SLC9A9: variants seen among roughly 807,000 people sequenced by gnomAD.
SLC9A9 encodes the protein sodium/hydrogen exchanger 9.
Under a neutral mutation model 77.8 loss-of-function variants are expected in SLC9A9, and 62 were observed. The ratio of observed to expected loss-of-function variants is 0.80; its 90% CI spans 0.65 to 0.98. SLC9A9 has a LOEUF of 0.98. Among genes scored for constraint, SLC9A9 ranks in the 50% least tolerant of loss-of-function variants. SLC9A9 has a pLI of 0.00. For synonymous variants in SLC9A9, 320 were observed against 283.5 expected, an observed-to-expected ratio of 1.13 and a Z score of -1.29; for missense variants, 775 against 774.9, an observed-to-expected ratio of 1.00 and a Z score of 0.00.
At chr3:143,642,513 C>G (rs1423745980) in intron 6 of SLC9A9, among the ~76,000 whole-genome samples, 1 of 152,172 alleles carries the variant, frequency 6.6e-6, no homozygotes, top group Non-Finnish European at 1.5e-5. Context: ...CAAAATAAAC[C>G]TAAAACCTGC....
intron 12 of SLC9A9, among the ~76,000 whole-genome samples, chr3:143,434,449 C>T (rs927472486): frequency 6.6e-6 from 1 of 152,152 alleles, no homozygotes; most frequent in African/African-American, 2.4e-5. Flanking sequence ...CCTGCAGTTC[C>T]TCTGGGCTGA....
intron 12 of SLC9A9, among the ~76,000 whole-genome samples, chr3:143,398,103 C>A (rs1037907702): frequency 6.6e-6 from 1 of 152,072 alleles, no homozygotes; most frequent in African/African-American, 2.4e-5. Context: ...AACTTCCCCC[C>A]CGCCACCACC....
At position 143,551,601 on chromosome 3, in the gene SLC9A9, A is replaced by T. The variant is rs2036885892; in HGVS notation, c.1089+761T>A. On this transcript the variant is annotated intron_variant, in intron 9 of 15. Transcript: ENST00000316549. The stretch of plus-strand genomic sequence containing the variant: ...TATTTCAAGCTCCAGGTTGGGCATC[A>T]TCTCTGGAAACTTTCTCCTGACTTT... Among the ~76,000 whole-genome samples, 4 of 152,208 alleles carry T rather than the reference A, an allele frequency of 2.6e-5. No homozygotes were observed. The South Asian group carries it at 8.3e-4, about 31-fold the overall frequency.
chr3:143,337,440 C>T (rs1333886434), intron 14 of SLC9A9, among the ~76,000 whole-genome samples: 1 of 152,194 alleles, frequency 6.6e-6, no homozygotes, highest in Non-Finnish European at 1.5e-5. Context: ...CTCCTTCACT[C>T]CTCTTGCTTG....
chr3:143,685,932 C>T (rs1933248156), intron 5 of SLC9A9, among the ~76,000 whole-genome samples: 1 of 152,144 alleles, frequency 6.6e-6, no homozygotes, highest in Non-Finnish European at 1.5e-5. Context: ...AGGAAAGGCA[C>T]ATATCTTTGT....
intron 6 of SLC9A9, chr3:143,626,692 A>G (rs1305234716): frequency 6.6e-6 from 1 of 152,102 alleles, no homozygotes; most frequent in East Asian, 1.9e-4. Flanking sequence ...GGTACAGCAC[A>G]CCAACATGGC....
chr3:143,393,212 C>T (rs899319752), intron 12 of SLC9A9, among the ~76,000 whole-genome samples: 1 of 152,146 alleles, frequency 6.6e-6, no homozygotes, highest in Non-Finnish European at 1.5e-5. Flanking sequence ...CACTCCTCAG[C>T]AAATGTAAAA....
At chr3:143,282,262 C>A (rs73868710) in intron 14 of SLC9A9, among the ~76,000 whole-genome samples, 5 of 152,126 alleles carry the variant, frequency 3.3e-5, no homozygotes, top group African/African-American at 7.2e-5. Flanking sequence ...ACATACCCCC[C>A]CAAACCCACA....
intron 2 of SLC9A9, among the ~76,000 whole-genome samples, chr3:143,819,109 A>G (rs1005645424): frequency 5.9e-5 from 9 of 152,196 alleles, no homozygotes; most frequent in Admixed American, 3.9e-4. Flanking sequence ...ACTGAAATAT[A>G]TACATTTTCA....
chr3:143,512,340 A>G (rs72991966), intron 9 of SLC9A9, among the ~76,000 whole-genome samples: 3,088 of 152,330 alleles, frequency 0.02, 99 homozygotes, highest in African/African-American at 0.069. Flanking sequence ...ATAGATTTAC[A>G]TTTAGGATGT....
At chr3:143,294,843 T>C (rs1464909190) in intron 14 of SLC9A9, among the ~76,000 whole-genome samples, 2 of 152,328 alleles carry the variant, frequency 1.3e-5, no homozygotes, top group East Asian at 1.9e-4. Flanking sequence ...TTTCTACACA[T>C]AGCCCAGGCA....
At chr3:143,731,419 G>C (rs1576688108) in intron 4 of SLC9A9, among the ~76,000 whole-genome samples, 1 of 152,282 alleles carries the variant, frequency 6.6e-6, no homozygotes, top group South Asian at 2.1e-4. Context: ...AAGGGATGGA[G>C]ATAGTGCTTC....
chr3:143,715,070 T>C lies in SLC9A9; in HGVS notation c.534-21763A>G, dbSNP rs146652368. On this transcript the variant is annotated intron_variant, in intron 4 of 15. Coordinates refer to ENST00000316549, the MANE Select transcript of SLC9A9 (RefSeq NM_173653.4). ...ACTTGTTCCTCCTTGCCTTCCACCA[T>C]GATTGTGAGGTCTCTCCAGCCAAGT... Among the ~76,000 whole-genome samples the C allele has an allele frequency of 8.3e-3, 1,264 of 152,342 alleles. 18 individuals carry two copies. The highest frequency in any genetic ancestry group is 0.029 in the African/African-American group (1,218 of 41,572).
At chr3:143,490,398 T>C (rs988271066) in intron 11 of SLC9A9, among the ~76,000 whole-genome samples, 2 of 128,182 alleles carry the variant, frequency 1.6e-5, no homozygotes, top group African/African-American at 5.1e-5. Context: ...GAGGATGTCA[T>C]GCTAAGTGAA....
At chr3:143,447,458 G>T (rs999344478) in intron 12 of SLC9A9, among the ~76,000 whole-genome samples, 5 of 152,030 alleles carry the variant, frequency 3.3e-5, no homozygotes, top group African/African-American at 1.2e-4. Flanking sequence ...GAAAACCATT[G>T]CCTTAAAGTT....
At chr3:143,323,065 T>C (rs1050576431) in intron 14 of SLC9A9, among the ~76,000 whole-genome samples, 3 of 152,092 alleles carry the variant, frequency 2.0e-5, no homozygotes, top group African/African-American at 7.2e-5. Flanking sequence ...TGTTATTAAA[T>C]AGACAAAAAT....
intron 13 of SLC9A9, among the ~76,000 whole-genome samples, chr3:143,370,757 A>C (rs1470337764): frequency 6.6e-6 from 1 of 152,062 alleles, no homozygotes; most frequent in Non-Finnish European, 1.5e-5. Context: ...AAAGGAAAAC[A>C]ATGTGTCTCC....
rs986512740 is a variant in SLC9A9, at chr3:143,555,603, C to T, written c.1001-3153G>A. Among the ~76,000 whole-genome samples, 5 of 152,266 alleles carry T rather than the reference C, an allele frequency of 3.3e-5. No homozygotes were observed. The South Asian group carries it at 1.0e-3, about 32-fold the overall frequency. The stretch of plus-strand genomic sequence containing the variant: ...CCATAGCATCCCTGTGCTTTTCTGC[C>T]TATATTAGACCATCTGTGAATGTTT... On this transcript the variant is annotated intron_variant, in intron 8 of 15. Coordinates refer to ENST00000316549, the MANE Select transcript of SLC9A9 (RefSeq NM_173653.4).
At chr3:143,551,621 G>A (rs1359904263) in intron 9 of SLC9A9, among the ~76,000 whole-genome samples, 1 of 152,138 alleles carries the variant, frequency 6.6e-6, no homozygotes, top group South Asian at 2.1e-4. Context: ...ACTTTCTCCT[G>A]ACTTTCTCAA....
Sources: gnomAD v4.1 joint callset for allele counts (sites outside exome capture counted in the v4.1 genomes callset) on GRCh38, gnomAD v4.1.1 for gene constraint, MANE v1.5 for transcripts, NCBI Gene and HGNC (gene_info 2026-07-23, HGNC 2026-07-21) for gene names.